The following HLA-G variants were observed in gnomAD, a reference collection of about 807,000 sequenced individuals.
HLA-G encodes the protein major histocompatibility complex, class I, G.
In HLA-G, 34 loss-of-function variants were observed where a neutral mutation model predicts 39.3. That is an observed-to-expected ratio of 0.86 (90% CI 0.66 to 1.15). The LOEUF is 1.15. Ranked by LOEUF, HLA-G falls within the 50% of genes most tolerant of loss-of-function variation. The pLI, the probability that HLA-G is intolerant of heterozygous loss-of-function variation, is 0.00. For synonymous variants in HLA-G, 183 were observed against 185.8 expected, an observed-to-expected ratio of 0.99 and a Z score of 0.12; for missense variants, 419 against 456.4, an observed-to-expected ratio of 0.92 and a Z score of 0.75.
chr6:29,830,980 C>A lies in HLA-G; in HGVS notation c.*241C>A. 1 of 187,992 alleles carries A rather than the reference C, an allele frequency of 5.3e-6. No individual in the cohort carries two copies. The allele number at this position is 187,992 out of a possible 1,614,324, so 11.6% of individuals were successfully genotyped here. ...TGTCTCAAATTTGTGGTCCACTGAG[C>A]TATAACTTACTTCTGTATTAAAATT... On this transcript the variant is annotated 3_prime_UTR_variant, in exon 7 of 7. Transcript: ENST00000360323.
chr6:29,827,489 C>A, upstream of HLA-G: 1 of 367,544 alleles, frequency 2.7e-6, no homozygotes, highest in Non-Finnish European at 5.3e-6. Flanking sequence ...GGGACCTTGC[C>A]GAGGGTTTCT....
At chr6:29,828,945 ATCC>A in intron 3 of HLA-G, 127 bp downstream of exon 3, 2 of 1,267,000 alleles carry the variant, frequency 1.6e-6, no homozygotes, top group Non-Finnish European at 2.3e-6. Context: ...AGGGAGAGGA[ATCC>A]TCCTGGGTTT....
intron 4 of HLA-G, 44 bp from the exon 5 acceptor site, chr6:29,829,772 G>A: frequency 6.2e-7 from 1 of 1,603,614 alleles, no homozygotes; most frequent in Non-Finnish European, 8.5e-7. Context: ...GGTCGGTGGT[G>A]AGGGCTGGGG....
chr6:29,827,637 T>G, upstream of HLA-G: 1 of 623,014 alleles, frequency 1.6e-6, no homozygotes, highest in Non-Finnish European at 2.9e-6. Flanking sequence ...CCACAGGCGG[T>G]GTATGGGTTG....
upstream of HLA-G, chr6:29,826,896 G>C (rs1760724910): frequency 4.4e-6 from 2 of 451,146 alleles, no homozygotes; most frequent in Admixed American, 4.9e-5. Flanking sequence ...CACTAGTGAG[G>C]GGCATTGTGA....
chr6:29,828,364 C>A, intron 2 of HLA-G, 48 bp downstream of exon 2: 1 of 1,577,414 alleles, frequency 6.3e-7, no homozygotes, highest in Non-Finnish European at 8.6e-7. Flanking sequence ...CACCTCCATG[C>A]CCCACGGACG....
rs372858913 is a variant in HLA-G at position 29,829,367 on chromosome 6, G to C, written c.620-51G>C. 67 of 1,579,802 alleles carry C rather than the reference G, an allele frequency of 4.2e-5. No homozygotes were observed. The African/African-American group carries it at 7.9e-4, about 19-fold the overall frequency. On this transcript the variant is annotated intron_variant, in intron 3 of 6. Transcript: ENST00000360323. ...ATGGTCACATCCAGGTGCTGCTGGA[G>C]TGTCCCATGAGAGATGCAAAGTGCT...
At chr6:29,826,827 C>T (rs974020973), upstream of HLA-G, 11 of 320,048 alleles carry the variant, frequency 3.4e-5, no homozygotes, top group African/African-American at 1.5e-4. Context: ...CTAAGTATTC[C>T]TAAAAAATAT....
chr6:29,827,778 G>T, upstream of HLA-G: 1 of 1,491,052 alleles, frequency 6.7e-7, no homozygotes, highest in Non-Finnish European at 9.3e-7. Flanking sequence ...GCCAATCAGC[G>T]TCGCCGCGGT....
intron 2 of HLA-G, 59 bp downstream of exon 2, chr6:29,828,375 G>A (rs1625907): frequency 2.6e-6 from 4 of 1,564,372 alleles, no homozygotes; most frequent in Non-Finnish European, 2.6e-6. Context: ...CCCACGGACG[G>A]CCCGGGTACT....
At chr6:29,829,253 A>G (rs1375512326) in intron 3 of HLA-G, among the ~76,000 whole-genome samples, 165 bp from the exon 4 acceptor site, 1 of 151,868 alleles carries the variant, frequency 6.6e-6, no homozygotes, top group Non-Finnish European at 1.5e-5. Context: ...TTTCCAAGGA[A>G]TAGGAGATTA....
chr6:29,827,739 C>A, upstream of HLA-G: 1 of 1,161,956 alleles, frequency 8.6e-7, no homozygotes, highest in Non-Finnish European at 1.3e-6. Flanking sequence ...CCAGTTCTCA[C>A]TCCCATTAGG....
rs754063062 is a variant in HLA-G at position 29,828,825 on chromosome 6, G to C, written c.619+7G>C. The C allele has an allele frequency of 4.3e-6, 7 of 1,614,028 alleles. No homozygotes were observed. The highest frequency in any genetic ancestry group is 5.1e-6 in the Non-Finnish European group (6 of 1,180,004). ...GAGATGCTGCAGCGCGCGGGTACCA[G>C]GGGCAGTGGGGCGCCTCCCTGATCT... On this transcript the variant is annotated splice_region_variant and intron_variant, in intron 3 of 6. Transcript: ENST00000360323.
chr6:29,827,309 A>C, upstream of HLA-G: 1 of 357,800 alleles, frequency 2.8e-6, no homozygotes, highest in Non-Finnish European at 5.5e-6. Context: ...AGGGGGAAAA[A>C]AAACCCTGTC....
Sources: allele counts gnomAD v4.1 joint callset (sites outside exome capture counted in the v4.1 genomes callset), GRCh38; gene constraint gnomAD v4.1.1; transcripts MANE v1.5; gene names NCBI Gene and HGNC (gene_info 2026-07-23, HGNC 2026-07-21).